Variants in CLEC16A observed in about 807,000 individuals in gnomAD.
CLEC16A encodes C-type lectin domain containing 16A, also known as protein CLEC16A.
CLEC16A carries 51 observed loss-of-function variants against 109.5 expected under a neutral mutation model. The observed-to-expected ratio is 0.47, with a 90% confidence interval of 0.37 to 0.59. CLEC16A has a LOEUF of 0.59. Ranked by LOEUF, CLEC16A falls within the 20% of genes least tolerant of loss-of-function variation. The pLI is 0.00. For synonymous variants in CLEC16A, 673 were observed against 564.2 expected, an observed-to-expected ratio of 1.19 and a Z score of -2.73; for missense variants, 1,339 against 1,394.0, an observed-to-expected ratio of 0.96 and a Z score of 0.63.
At chr16:11,137,042 A>C (rs1475240002) in intron 22 of CLEC16A, among the ~76,000 whole-genome samples, 1 of 152,242 alleles carries the variant, frequency 6.6e-6, no homozygotes, top group East Asian at 1.9e-4. Flanking sequence ...GGAACCCCAC[A>C]TATTCTTGCT....
chr16:11,119,602 G>A (rs1466943726), intron 19 of CLEC16A, among the ~76,000 whole-genome samples: 1 of 151,998 alleles, frequency 6.6e-6, no homozygotes, highest in Non-Finnish European at 1.5e-5. Flanking sequence ...GTGTTGCCCA[G>A]GCTAGTCTCC....
At chr16:10,992,704 C>G (rs531229915) in intron 10 of CLEC16A, among the ~76,000 whole-genome samples, 3 of 151,708 alleles carry the variant, frequency 2.0e-5, no homozygotes, top group South Asian at 4.2e-4. Context: ...CTCCCTGCCT[C>G]GAGTAATTGT....
Position 11,036,343 on chromosome 16 carries a change from T to G in CLEC16A, c.1538-3411T>G, listed in dbSNP as rs772863153. 1.6e-4 allele frequency among the ~76,000 whole-genome samples: 24 copies of G among 151,630 alleles called. No homozygotes were observed. In the Middle Eastern group the frequency reaches 0.01, roughly 65 times the overall value. ...ACCTCTCTGGGTCTGCTCCACTCCC[T>G]GCAGTCCCACCTTGGTTTGGCAAGT... On this transcript the variant is annotated intron_variant, in intron 13 of 23. Transcript: ENST00000409790.
chr16:11,125,271 CCTTT>C (rs2052722970), intron 21 of CLEC16A, among the ~76,000 whole-genome samples: 1 of 152,086 alleles, frequency 6.6e-6, no homozygotes, highest in African/African-American at 2.4e-5. Flanking sequence ...ATCATTCAGC[CCTTT>C]CTTTTAAGAT....
rs35679277 is a variant in CLEC16A, at chr16:11,026,645, GTTT to G, written c.1537+1740_1537+1742del. ...ATTTCTGTTCTTATGTTTGTTTGGG[GTTT>G]TTTTTTTTTTTTTTTGCCTTCTGCT... On this transcript the variant is annotated intron_variant, in intron 13 of 23. Coordinates refer to ENST00000409790, the MANE Select transcript of CLEC16A (RefSeq NM_015226.3). 2.9e-3 allele frequency among the ~76,000 whole-genome samples: 308 copies of G among 106,410 alleles called. 2 individuals carry two copies. Among genetic ancestry groups the G allele is most frequent in the African/African-American group, 9.7e-3 (264 of 27,354 alleles). 69.8% of individuals were successfully genotyped at this position (106,410 alleles called of 152,430 possible).
intron 13 of CLEC16A, among the ~76,000 whole-genome samples, chr16:11,031,729 A>G (rs1476336967): frequency 6.6e-6 from 1 of 152,196 alleles, no homozygotes; most frequent in African/African-American, 2.4e-5. Context: ...ACTAGTAACC[A>G]AGTAAAATAA....
chr16:11,041,055 A>T (rs565151031), intron 14 of CLEC16A: 1 of 152,202 alleles, frequency 6.6e-6, no homozygotes, highest in Non-Finnish European at 1.5e-5. Flanking sequence ...AGGAGTTTGC[A>T]TAAGAGCAGT....
At chr16:11,030,609 G>A (rs1022941541) in intron 13 of CLEC16A, among the ~76,000 whole-genome samples, 6 of 152,078 alleles carry the variant, frequency 3.9e-5, no homozygotes, top group African/African-American at 1.4e-4. Flanking sequence ...ATTGAATTGA[G>A]TAAAAAAAAT....
chr16:11,165,923 C>T (rs774380274), intron 22 of CLEC16A, among the ~76,000 whole-genome samples: 2 of 152,120 alleles, frequency 1.3e-5, no homozygotes, highest in Admixed American at 6.5e-5. Context: ...GCACTGTCCT[C>T]CTGCCCGGGT....
At chr16:11,156,198 TAAAAATAC>T (rs752589695) in intron 22 of CLEC16A, among the ~76,000 whole-genome samples, 33 of 151,910 alleles carry the variant, frequency 2.2e-4, no homozygotes, top group South Asian at 8.3e-4. Context: ...CCATCTCTAC[TAAAAATAC>T]AAAAACAAAA....
At chr16:11,012,471 T>C (rs1199402997) in intron 11 of CLEC16A, among the ~76,000 whole-genome samples, 1 of 151,930 alleles carries the variant, frequency 6.6e-6, no homozygotes, top group Non-Finnish European at 1.5e-5. Context: ...GGCACGTGCC[T>C]GTAGTCCCAG....
At chr16:11,084,706 G>A (rs2049915532) in intron 19 of CLEC16A, among the ~76,000 whole-genome samples, 1 of 152,190 alleles carries the variant, frequency 6.6e-6, no homozygotes, top group Non-Finnish European at 1.5e-5. Flanking sequence ...GTGGAGGGAG[G>A]CAATTTTAAA....
At chr16:11,026,200 A>C (rs1567212841) in intron 13 of CLEC16A, among the ~76,000 whole-genome samples, 1 of 152,216 alleles carries the variant, frequency 6.6e-6, no homozygotes, top group Non-Finnish European at 1.5e-5. Flanking sequence ...GAATTGAGAA[A>C]TATTATCTTC....
chr16:11,085,411 G>A (rs1192471919), intron 19 of CLEC16A, among the ~76,000 whole-genome samples: 1 of 152,290 alleles, frequency 6.6e-6, no homozygotes, highest in Non-Finnish European at 1.5e-5. Context: ...ACGCTGGCAA[G>A]CAGGCAGACT....
intron 8 of CLEC16A, among the ~76,000 whole-genome samples, chr16:10,977,749 C>T (rs2043101263): frequency 6.6e-6 from 1 of 152,120 alleles, no homozygotes. Flanking sequence ...AACTCTTGAC[C>T]TCAGGTGATA....
intron 21 of CLEC16A, among the ~76,000 whole-genome samples, chr16:11,124,684 A>G (rs1008232656): frequency 6.6e-6 from 1 of 152,190 alleles, no homozygotes. Flanking sequence ...GTCTTTCTCA[A>G]GATACCCAGT....
intron 11 of CLEC16A, among the ~76,000 whole-genome samples, chr16:11,011,379 T>A (rs1390310789): frequency 6.6e-6 from 1 of 152,202 alleles, no homozygotes; most frequent in Non-Finnish European, 1.5e-5. Context: ...GGATTCCAAT[T>A]TTCTAATGGT....
At chr16:11,114,235 G>A (rs2051814743) in intron 19 of CLEC16A, among the ~76,000 whole-genome samples, 1 of 150,910 alleles carries the variant, frequency 6.6e-6, no homozygotes, top group Non-Finnish European at 1.5e-5. Context: ...AATGGCCTAT[G>A]CAAATCCTTC....
chr16:11,127,161 G>A (rs9926590), intron 22 of CLEC16A, among the ~76,000 whole-genome samples: 6,099 of 152,140 alleles, frequency 0.04, 399 homozygotes, highest in African/African-American at 0.14. Flanking sequence ...ATATTTCTTT[G>A]TATGTCATGC....
Sources: allele counts gnomAD v4.1 joint callset (sites outside exome capture counted in the v4.1 genomes callset), GRCh38; gene constraint gnomAD v4.1.1; transcripts MANE v1.5; gene names NCBI Gene and HGNC (gene_info 2026-07-23, HGNC 2026-07-21).